The following UNC5D variants were observed in gnomAD, a reference collection of about 807,000 sequenced individuals.
The protein encoded by UNC5D is netrin receptor UNC5D.
Under a neutral mutation model 105.4 loss-of-function variants are expected in UNC5D, and 39 were observed. That is an observed-to-expected ratio of 0.37 (90% CI 0.29 to 0.48). The LOEUF is 0.48. Among genes scored for constraint, UNC5D ranks in the 20% least tolerant of loss-of-function variants. The pLI, the probability that UNC5D is intolerant of heterozygous loss-of-function variation, is 0.98. For synonymous variants in UNC5D, 452 were observed against 450.4 expected (o/e 1.00, Z -0.04); for missense variants, 991 against 1,202.4 (o/e 0.82, Z 2.60).
chr8:35,483,822 G>A (rs1481626308), intron 1 of UNC5D, among the ~76,000 whole-genome samples: 2 of 152,182 alleles, frequency 1.3e-5, no homozygotes, highest in African/African-American at 4.8e-5. Context: ...AACTCAGGAT[G>A]AGTCTCAATA....
At chr8:35,509,619 CA>C (rs1336979760) in intron 1 of UNC5D, among the ~76,000 whole-genome samples, 1 of 149,854 alleles carries the variant, frequency 6.7e-6, no homozygotes, top group Non-Finnish European at 1.5e-5. Flanking sequence ...ATATAGGAAA[CA>C]GAACAAAACA....
chr8:35,597,707 T>C (rs752800797), intron 4 of UNC5D, among the ~76,000 whole-genome samples: 1 of 152,112 alleles, frequency 6.6e-6, no homozygotes, highest in Admixed American at 6.6e-5. Context: ...TGATCTACTT[T>C]TTTTTCAGAT....
At position 35,506,568 on chromosome 8, in the gene UNC5D, C is replaced by T. The variant is rs2130301097; in HGVS notation, c.104-42724C>T. Among the ~76,000 whole-genome samples the T allele has an allele frequency of 1.3e-5, 2 of 152,298 alleles. 1 individual carries two copies. Among genetic ancestry groups the T allele is most frequent in the South Asian group, 4.1e-4 (2 of 4,832 alleles). On this transcript the variant is annotated intron_variant, in intron 1 of 16. Transcript: ENST00000404895. The stretch of plus-strand genomic sequence containing the variant: ...AGAATTTGAGGACTGAAGATTTAAA[C>T]AGTTAGCCTGAGGTCACAGAGTTAG...
chr8:35,356,242 A>T (rs182052566), intron 1 of UNC5D, among the ~76,000 whole-genome samples: 1 of 152,264 alleles, frequency 6.6e-6, no homozygotes, highest in Admixed American at 6.5e-5. Flanking sequence ...TGCTCCATAT[A>T]TTAGCTACGT....
intron 8 of UNC5D, among the ~76,000 whole-genome samples, chr8:35,720,975 C>G (rs995409372): frequency 6.6e-6 from 1 of 152,056 alleles, no homozygotes; most frequent in African/African-American, 2.4e-5. Context: ...AGTCCACTAA[C>G]TGTTGAAAAT....
chr8:35,546,437 C>T (rs1200385492), intron 1 of UNC5D, among the ~76,000 whole-genome samples: 2 of 152,062 alleles, frequency 1.3e-5, no homozygotes, highest in African/African-American at 2.4e-5. Flanking sequence ...GGCATTTGTG[C>T]CAGATACATA....
At chr8:35,481,214 G>A (rs550744630) in intron 1 of UNC5D, among the ~76,000 whole-genome samples, 5 of 152,268 alleles carry the variant, frequency 3.3e-5, no homozygotes, top group African/African-American at 1.2e-4. Context: ...ATAAAGTGCT[G>A]ACTGCCCATC....
intron 8 of UNC5D, among the ~76,000 whole-genome samples, chr8:35,707,288 T>C (rs1827644154): frequency 6.6e-6 from 1 of 152,184 alleles, no homozygotes; most frequent in Non-Finnish European, 1.5e-5. Context: ...AAAGATATCA[T>C]TACTTGCAAA....
At chr8:35,418,627 T>C (rs1805682043) in intron 1 of UNC5D, among the ~76,000 whole-genome samples, 1 of 152,110 alleles carries the variant, frequency 6.6e-6, no homozygotes, top group Non-Finnish European at 1.5e-5. Context: ...GATTGTTACA[T>C]AAAAACAAGA....
chr8:35,348,580 C>A (rs1811971783), intron 1 of UNC5D, among the ~76,000 whole-genome samples: 1 of 151,676 alleles, frequency 6.6e-6, no homozygotes. Context: ...TTTAAGACTA[C>A]AATGAAATAT....
intron 1 of UNC5D, among the ~76,000 whole-genome samples, chr8:35,368,176 G>A (rs1021651453): frequency 1.1e-4 from 17 of 152,086 alleles, no homozygotes; most frequent in African/African-American, 2.9e-4. Context: ...CATTATCTTG[G>A]TTAATTTGCT....
intron 1 of UNC5D, among the ~76,000 whole-genome samples, chr8:35,423,313 T>C (rs1806034198): frequency 6.6e-6 from 1 of 152,208 alleles, no homozygotes; most frequent in Admixed American, 6.5e-5. Flanking sequence ...GGCCAGGTTC[T>C]GCCCTACAGA....
chr8:35,694,001 A>T (rs781385813), intron 7 of UNC5D, among the ~76,000 whole-genome samples: 10 of 152,180 alleles, frequency 6.6e-5, no homozygotes, highest in Non-Finnish European at 1.2e-4. Flanking sequence ...AGCGAGGAAA[A>T]AAACGAAAGC....
At chr8:35,765,721 G>A (rs1006831813) in intron 14 of UNC5D, among the ~76,000 whole-genome samples, 8 of 152,144 alleles carry the variant, frequency 5.3e-5, no homozygotes, top group Non-Finnish European at 7.3e-5. Flanking sequence ...AAAGGGAACC[G>A]GTCATTTCAA....
chr8:35,285,986 C>T (rs1240787107), intron 1 of UNC5D, among the ~76,000 whole-genome samples: 1 of 151,992 alleles, frequency 6.6e-6, no homozygotes, highest in Non-Finnish European at 1.5e-5. Flanking sequence ...GTGAGTATGT[C>T]ATTTTTTAGG....
intron 1 of UNC5D, among the ~76,000 whole-genome samples, chr8:35,315,234 A>G (rs1809198329): frequency 6.6e-6 from 1 of 152,038 alleles, no homozygotes; most frequent in African/African-American, 2.4e-5. Flanking sequence ...AAAAAATCCA[A>G]CCCCATAACT....
At position 35,241,529 on chromosome 8, in the gene UNC5D, T is replaced by C. The variant is rs912766985; in HGVS notation, c.103+5642T>C. On this transcript the variant is annotated intron_variant, in intron 1 of 16. Coordinates refer to ENST00000404895, the MANE Select transcript of UNC5D (RefSeq NM_080872.4). ...GAAACAATAACCAAGTAGTAACATT[T>C]TTCAGATGATATCAGGCCACTATAG... Among the ~76,000 whole-genome samples the C allele has an allele frequency of 2.6e-5, 4 of 152,180 alleles. No homozygotes were observed. The East Asian group carries it at 5.8e-4, about 22-fold the overall frequency.
At chr8:35,480,233 C>T (rs1810390944) in intron 1 of UNC5D, among the ~76,000 whole-genome samples, 1 of 152,148 alleles carries the variant, frequency 6.6e-6, no homozygotes, top group Non-Finnish European at 1.5e-5. Context: ...AACACTGTAC[C>T]TCTAATGAAA....
At chr8:35,584,530 T>G (rs537478675) in intron 3 of UNC5D, among the ~76,000 whole-genome samples, 1 of 152,236 alleles carries the variant, frequency 6.6e-6, no homozygotes, top group African/African-American at 2.4e-5. Flanking sequence ...TTCTCCTGTC[T>G]CAGCCTCCCA....
Sources: allele counts gnomAD v4.1 joint callset (sites outside exome capture counted in the v4.1 genomes callset), GRCh38; gene constraint gnomAD v4.1.1; transcripts MANE v1.5; gene names NCBI Gene and HGNC (gene_info 2026-07-23, HGNC 2026-07-21).